The following POPDC3 variants were observed in gnomAD, a reference collection of about 807,000 sequenced individuals.
POPDC3 encodes popeye domain cAMP effector 3, also known as popeye domain-containing protein 3.
A neutral mutation model predicts 28.2 loss-of-function variants in POPDC3; 20 were observed. The ratio of observed to expected loss-of-function variants is 0.71; its 90% CI spans 0.50 to 1.03. The LOEUF is 1.03. POPDC3 is among the 50% of genes least tolerant of loss of function. The pLI is 0.00. For missense variants in POPDC3, 316 were observed against 345.9 expected (o/e 0.91, Z 0.69); for synonymous variants, 118 against 124.1 (o/e 0.95, Z 0.33).
At chr6:105,176,814 C>T (rs1774690417) in intron 1 of POPDC3, among the ~76,000 whole-genome samples, 1 of 152,218 alleles carries the variant, frequency 6.6e-6, no homozygotes. Context: ...CCGCCTCAGC[C>T]TCCCAAAGTG....
chr6:105,177,173 G>C (rs915793502), intron 1 of POPDC3: 4 of 160,596 alleles, frequency 2.5e-5, no homozygotes, highest in African/African-American at 9.6e-5. Context: ...GACTGCCATG[G>C]ATTGTTCTCC....
chr6:105,164,961 T>G (rs1400708069), intron 1 of POPDC3, among the ~76,000 whole-genome samples: 2 of 152,250 alleles, frequency 1.3e-5, no homozygotes, highest in Non-Finnish European at 2.9e-5. Context: ...GCTGGCAAAT[T>G]AGCTAGAAAC....
intron 1 of POPDC3, chr6:105,170,050 C>T (rs759898348): frequency 1.9e-4 from 29 of 152,160 alleles, no homozygotes; most frequent in Non-Finnish European, 4.1e-4. Context: ...AGGGTAGGTC[C>T]TACCAGTTGA....
intron 1 of POPDC3, among the ~76,000 whole-genome samples, chr6:105,170,324 C>T (rs11753597): frequency 0.082 from 12,487 of 152,226 alleles, 1,056 homozygotes; most frequent in African/African-American, 0.22. Flanking sequence ...ATTAAGCAGT[C>T]GTTTCTTTAT....
intron 1 of POPDC3, among the ~76,000 whole-genome samples, chr6:105,174,298 C>G (rs1478594401): frequency 6.6e-6 from 1 of 152,184 alleles, no homozygotes; most frequent in East Asian, 1.9e-4. Flanking sequence ...CTTGACCTTC[C>G]AAAGTGCTAG....
intron 3 of POPDC3, 43 bp downstream of exon 3, chr6:105,159,667 GT>G (rs747816199): frequency 2.8e-6 from 3 of 1,053,076 alleles, no homozygotes; most frequent in African/African-American, 3.2e-5. Context: ...ACAAACATCT[GT>G]TTGAAAGAGG....
At chr6:105,179,003 G>A in intron 1 of POPDC3, 1 of 985,274 alleles carries the variant, frequency 1.0e-6, no homozygotes, top group Admixed American at 6.1e-5. Context: ...TCCAAAAGTG[G>A]GCTTCTAATT....
At chr6:105,159,354 T>C (rs1774269417) in intron 3 of POPDC3, among the ~76,000 whole-genome samples, 2 of 152,230 alleles carry the variant, frequency 1.3e-5, no homozygotes, top group South Asian at 4.1e-4. Context: ...ATTTATTTTT[T>C]AGTAAGTGCA....
At chr6:105,159,129 A>G (rs1774264092) in intron 3 of POPDC3, 1 of 171,230 alleles carries the variant, frequency 5.8e-6, no homozygotes, top group African/African-American at 2.4e-5. Context: ...TCTGCAGTAG[A>G]AAACAGAATT....
At chr6:105,169,155 T>A (rs1210356198) in intron 1 of POPDC3, 1 of 152,248 alleles carries the variant, frequency 6.6e-6, no homozygotes, top group African/African-American at 2.4e-5. Context: ...TAAACAGTTA[T>A]AAGTGCTCAC....
At chr6:105,170,336 T>C (rs1774550753) in intron 1 of POPDC3, among the ~76,000 whole-genome samples, 1 of 152,230 alleles carries the variant, frequency 6.6e-6, no homozygotes, top group Admixed American at 6.5e-5. Context: ...TTTCTTTATA[T>C]GAATCAATGG....
At chr6:105,173,914 TAGAA>T (rs1271683406) in intron 1 of POPDC3, among the ~76,000 whole-genome samples, 6 of 150,538 alleles carry the variant, frequency 4.0e-5, no homozygotes, top group African/African-American at 1.5e-4. Flanking sequence ...AGAACAGAAA[TAGAA>T]GGAATGCACC....
In POPDC3 at chr6:105,162,154, G is replaced by A; in HGVS notation, c.-245C>T. ...TTGGATCCAGTCTGCAAATATTTTG[G>A]TATTTCCTATGCAAGAGAAAAAAAG... On this transcript the variant is annotated 5_prime_UTR_variant, in exon 2 of 4. Transcript: ENST00000254765. The A allele has an allele frequency of 1.6e-6, 2 of 1,249,006 alleles. No homozygotes were observed. Among genetic ancestry groups the A allele is most frequent in the Non-Finnish European group, 2.0e-6 (2 of 999,036 alleles). The allele number at this position is 1,249,006 out of a possible 1,614,324, so 77.4% of individuals were successfully genotyped here. A position where few individuals can be genotyped will look rare whatever the true frequency, so the allele number is the denominator to read the frequency against.
chr6:105,162,047 C>T lies in POPDC3; in HGVS notation c.-138G>A, dbSNP rs2114528209. On this transcript the variant is annotated 5_prime_UTR_variant, in exon 2 of 4. Transcript: ENST00000254765. ...GAGAAAACGGACACTGGAGTTGATG[C>T]TGATTAAAGGCTTCGTGTGTACGGA... The T allele has an allele frequency of 6.7e-7, 1 of 1,486,692 alleles. No individual in the cohort carries two copies. Among genetic ancestry groups the T allele is most frequent in the Middle Eastern group, 2.0e-4 (1 of 4,914 alleles). 92.1% of individuals were successfully genotyped at this position (1,486,692 alleles called of 1,614,324 possible). A position where few individuals can be genotyped will look rare whatever the true frequency, so the allele number is the denominator to read the frequency against.
chr6:105,175,526 C>A (rs187371260), intron 1 of POPDC3, among the ~76,000 whole-genome samples: 3 of 146,408 alleles, frequency 2.0e-5, no homozygotes, highest in African/African-American at 5.1e-5. Flanking sequence ...TGACACAATG[C>A]GACCCTGTCT....
Position 105,162,816 on chromosome 6 carries a change from T to C in POPDC3, c.-251-656A>G, listed in dbSNP as rs540121523. On this transcript the variant is annotated intron_variant, in intron 1 of 3. Transcript: ENST00000254765. ...ATTGCGGGTGGGGCCCAGATGTTTG[T>C]ATTTTAAGCTCCCCATGTGATTCTG... Among the ~76,000 whole-genome samples the C allele has an allele frequency of 3.3e-5, 5 of 152,344 alleles. No individual in the cohort carries two copies. In the South Asian group the frequency reaches 1.0e-3, roughly 32 times the overall value.
At chr6:105,178,091 G>A (rs1460254998) in intron 1 of POPDC3, among the ~76,000 whole-genome samples, 3 of 152,196 alleles carry the variant, frequency 2.0e-5, no homozygotes, top group African/African-American at 7.2e-5. Flanking sequence ...ATTCTCTCGA[G>A]GGAGCTCATA....
intron 1 of POPDC3, among the ~76,000 whole-genome samples, chr6:105,168,213 A>G (rs1774498409): frequency 6.6e-6 from 1 of 152,184 alleles, no homozygotes; most frequent in Admixed American, 6.5e-5. Context: ...GGGAAGTATC[A>G]CCTTTTTCCT....
intron 1 of POPDC3, among the ~76,000 whole-genome samples, chr6:105,172,395 G>A (rs1336178553): frequency 6.6e-6 from 1 of 151,200 alleles, no homozygotes; most frequent in Non-Finnish European, 1.5e-5. Flanking sequence ...CAGGTCCAGT[G>A]GAGAGGATGT....
Sources: gnomAD v4.1 joint callset for allele counts (sites outside exome capture counted in the v4.1 genomes callset) on GRCh38, gnomAD v4.1.1 for gene constraint, MANE v1.5 for transcripts, NCBI Gene and HGNC (gene_info 2026-07-23, HGNC 2026-07-21) for gene names.